The following ABCA13 variants were observed in gnomAD, a reference collection of about 807,000 sequenced individuals.
The protein encoded by ABCA13 is ATP binding cassette subfamily A member 13.
ABCA13 carries 476 observed loss-of-function variants against 478.7 expected under a neutral mutation model. That is an observed-to-expected ratio of 0.99 (90% CI 0.92 to 1.07). The LOEUF (loss-of-function observed/expected upper bound fraction) is 1.07. Ranked by LOEUF, ABCA13 falls within the 50% of genes least tolerant of loss-of-function variation. The pLI is 0.00. For missense variants in ABCA13, 6,060 were observed against 5,910.6 expected, an observed-to-expected ratio of 1.03 and a Z score of -0.83; for synonymous variants, 2,252 against 2,158.9, an observed-to-expected ratio of 1.04 and a Z score of -1.20.
intron 38 of ABCA13, among the ~76,000 whole-genome samples, chr7:48,392,656 G>T (rs781554420): frequency 2.4e-4 from 36 of 152,266 alleles, no homozygotes; most frequent in Non-Finnish European, 5.1e-4. Flanking sequence ...CATGAGTGGG[G>T]GACTGTGATT....
At position 48,646,225 on chromosome 7, in the gene ABCA13, G is replaced by C. The variant is rs1318698942; in HGVS notation, c.*713G>C. The C allele has an allele frequency of 1.3e-5, 2 of 152,174 alleles. No individual in the cohort carries two copies. Among genetic ancestry groups the C allele is most frequent in the East Asian group, 1.9e-4 (1 of 5,184 alleles). The allele number at this position is 152,174 out of a possible 1,614,324, so 9.4% of individuals were successfully genotyped here. On this transcript the variant is annotated 3_prime_UTR_variant, in exon 62 of 62. Transcript: ENST00000435803. ...TCCCAGGTTATAATTTATGAGGGTA[G>C]AGAAATAAAATGTAGATGCATTTTC... is the stretch of plus-strand genomic sequence containing the variant.
chr7:48,540,356 T>G (rs917298431), intron 55 of ABCA13, among the ~76,000 whole-genome samples: 2 of 152,136 alleles, frequency 1.3e-5, no homozygotes, highest in Non-Finnish European at 2.9e-5. Context: ...TAACTACTCT[T>G]GAAAAGAAGA....
intron 58 of ABCA13, among the ~76,000 whole-genome samples, chr7:48,595,230 T>G (rs1196822662): frequency 6.6e-6 from 1 of 152,252 alleles, no homozygotes; most frequent in Non-Finnish European, 1.5e-5. Context: ...TGAATCTGGT[T>G]TAACATTTTC....
intron 57 of ABCA13, among the ~76,000 whole-genome samples, chr7:48,593,656 A>G (rs983088238): frequency 6.7e-6 from 1 of 148,288 alleles, no homozygotes; most frequent in East Asian, 2.0e-4. Context: ...GTTTTGAAGA[A>G]CCCCTTTAGC....
chr7:48,371,697 A>G (rs1274005273), intron 32 of ABCA13, among the ~76,000 whole-genome samples: 2 of 152,126 alleles, frequency 1.3e-5, no homozygotes, highest in East Asian at 1.9e-4. Context: ...GGCTGAGACG[A>G]TGGGGTTTTC....
intron 17 of ABCA13, 84 bp from the exon 18 acceptor site, chr7:48,278,010 A>G (rs1584584520): frequency 4.5e-6 from 2 of 448,046 alleles, no homozygotes; most frequent in Non-Finnish European, 6.8e-6. Context: ...AAATAAAATA[A>G]TATAAATCAC....
At chr7:48,249,696 A>G (rs984107391) in intron 15 of ABCA13, among the ~76,000 whole-genome samples, 3 of 152,124 alleles carry the variant, frequency 2.0e-5, no homozygotes, top group Non-Finnish European at 2.9e-5. Context: ...GGCCCTTCTC[A>G]CTTTACTTAG....
intron 36 of ABCA13, 82 bp downstream of exon 36, chr7:48,388,041 A>G: frequency 6.9e-7 from 1 of 1,445,576 alleles, no homozygotes. Context: ...TTTATGGTCC[A>G]GCCTTTTCAA....
intron 4 of ABCA13, among the ~76,000 whole-genome samples, chr7:48,220,970 A>C (rs1416893725): frequency 6.6e-6 from 1 of 151,684 alleles, no homozygotes; most frequent in Non-Finnish European, 1.5e-5. Context: ...CCTCTCTCCT[A>C]TCCTGAATTT....
chr7:48,525,713 T>C (rs79239119), intron 54 of ABCA13, among the ~76,000 whole-genome samples: 9,475 of 148,652 alleles, frequency 0.064, 416 homozygotes, highest in African/African-American at 0.11. Context: ...TCTACATGTT[T>C]ATGATGTTTT....
Position 48,273,088 on chromosome 7 carries a change from T to G in ABCA13, c.3422T>G (p.Phe1141Cys). ...GCAAATGTCAGTGTGTTCAACAAGT[T>G]TATGTCCATTCACTGTACCGTTTCA... The part of the protein sequence containing the change: ...LSANVSVFNK[F>C]MSIHCTVSWL... The change falls in exon 17 of 62, where the codon TTT becomes TGT. Residue 1141 changes from phenylalanine (F) to cysteine (C), a missense_variant. This residue lies in a region of ABCA13 where 4,423 missense variants were observed against 4,309.1 expected (regional missense o/e 1.03). Transcript: ENST00000435803. 6.2e-7 allele frequency: 1 copy of G among 1,613,680 alleles called. No homozygotes were observed. The highest frequency in any genetic ancestry group is 1.1e-5 in the South Asian group (1 of 91,072).
intron 59 of ABCA13, among the ~76,000 whole-genome samples, 159 bp from the exon 60 acceptor site, chr7:48,643,129 A>T (rs913721263): frequency 6.6e-6 from 1 of 152,230 alleles, no homozygotes; most frequent in African/African-American, 2.4e-5. Context: ...TGTATAATTG[A>T]CTTACAATTA....
chr7:48,445,397 C>T (rs1824165464), intron 42 of ABCA13, among the ~76,000 whole-genome samples: 1 of 152,182 alleles, frequency 6.6e-6, no homozygotes, highest in Non-Finnish European at 1.5e-5. Flanking sequence ...TCAAATTCTG[C>T]TCATGGACTC....
intron 28 of ABCA13, among the ~76,000 whole-genome samples, chr7:48,337,105 C>T (rs757447840): frequency 1.3e-5 from 2 of 152,132 alleles, no homozygotes; most frequent in Non-Finnish European, 2.9e-5. Flanking sequence ...AAGGATAAGA[C>T]GGCGTAAGTT....
chr7:48,201,922 C>G (rs975719936), intron 3 of ABCA13, among the ~76,000 whole-genome samples: 1 of 151,912 alleles, frequency 6.6e-6, no homozygotes, highest in Non-Finnish European at 1.5e-5. Flanking sequence ...CTGGTGGGTT[C>G]GTGGTCTCGC....
intron 15 of ABCA13, among the ~76,000 whole-genome samples, chr7:48,251,035 T>A (rs1022362107): frequency 4.6e-5 from 7 of 152,318 alleles, no homozygotes; most frequent in African/African-American, 1.7e-4. Context: ...CCAGAGATAC[T>A]CCCTCTGTAG....
At chr7:48,501,197 A>G (rs576850500) in intron 48 of ABCA13, among the ~76,000 whole-genome samples, 2 of 152,288 alleles carry the variant, frequency 1.3e-5, no homozygotes, top group South Asian at 4.1e-4. Flanking sequence ...CAAGACTGAC[A>G]GCAGGTCCAG....
intron 29 of ABCA13, among the ~76,000 whole-genome samples, chr7:48,338,999 A>G (rs1353589741): frequency 6.6e-6 from 1 of 152,182 alleles, no homozygotes; most frequent in African/African-American, 2.4e-5. Flanking sequence ...CAGTGCAGAG[A>G]AGAAGATGAC....
At chr7:48,363,653 G>A (rs996249669) in intron 31 of ABCA13, among the ~76,000 whole-genome samples, 1 of 151,640 alleles carries the variant, frequency 6.6e-6, no homozygotes, top group African/African-American at 2.4e-5. Context: ...TGCATTTCTT[G>A]CACCTATTTT....
Sources: allele counts gnomAD v4.1 joint callset (sites outside exome capture counted in the v4.1 genomes callset), GRCh38; gene constraint gnomAD v4.1.1; regional missense constraint gnomAD v4.1.1; transcripts MANE v1.5; gene names NCBI Gene and HGNC (gene_info 2026-07-23, HGNC 2026-07-21).